Variants in PDHX observed in about 807,000 individuals in gnomAD.
The protein encoded by PDHX is pyruvate dehydrogenase complex component X, also known as pyruvate dehydrogenase protein X component, mitochondrial.
In PDHX, 33 loss-of-function variants were observed where a neutral mutation model predicts 55.3. The observed-to-expected ratio is 0.60, with a 90% CI of 0.45 to 0.80. The LOEUF is 0.80. Among genes scored for constraint, PDHX ranks in the 30% least tolerant of loss-of-function variants. The probability of loss-of-function intolerance (pLI) is 0.00; values close to 1 mark genes in which losing one functional copy is unlikely to be tolerated. For missense variants in PDHX, 622 were observed against 619.9 expected, an observed-to-expected ratio of 1.00 and a Z score of -0.04; for synonymous variants, 226 against 219.4, an observed-to-expected ratio of 1.03 and a Z score of -0.27.
chr11:34,952,384 C>T, intron 3 of PDHX, among the ~76,000 whole-genome samples: 1 of 151,836 alleles, frequency 6.6e-6, no homozygotes, highest in East Asian at 1.9e-4. Flanking sequence ...AGAGACACAA[C>T]AAAAAAAGAG....
At chr11:34,945,342 T>TA (rs1854597123) in intron 2 of PDHX, among the ~76,000 whole-genome samples, 1 of 152,220 alleles carries the variant, frequency 6.6e-6, no homozygotes, top group Admixed American at 6.5e-5. Context: ...ACTTGTTTCT[T>TA]ATAGCCCATG....
At position 34,960,401 on chromosome 11, in the gene PDHX, C is replaced by A; in HGVS notation, c.543-19C>A. 2 of 1,528,262 alleles carry A rather than the reference C, an allele frequency of 1.3e-6. No individual in the cohort carries two copies. The highest frequency in any genetic ancestry group is 2.3e-5 in the East Asian group (1 of 44,290). The allele number at this position is 1,528,262 out of a possible 1,614,324, so 94.7% of individuals were successfully genotyped here. A position where few individuals can be genotyped will look rare whatever the true frequency, so the allele number is the denominator to read the frequency against. The stretch of plus-strand genomic sequence containing the variant: ...GTAAGTGTTAATTGGTTCTATTAAC[C>A]TTCATATTTTTTTCTTAGGTTCCGT... On this transcript the variant is annotated intron_variant, in intron 4 of 10. Transcript: ENST00000227868.
chr11:34,973,766 A>T (rs1855304171), intron 7 of PDHX, among the ~76,000 whole-genome samples: 1 of 152,144 alleles, frequency 6.6e-6, no homozygotes, highest in African/African-American at 2.4e-5. Flanking sequence ...TACATGTTTA[A>T]TGTTTTTTGC....
upstream of PDHX, chr11:34,916,497 C>A (rs958630928): frequency 1.4e-6 from 2 of 1,436,710 alleles, 1 homozygote; most frequent in Admixed American, 4.9e-5. Flanking sequence ...GCAAGGCCAA[C>A]GTGGTTGGAG....
At chr11:34,953,910 A>G (rs1854842601) in intron 3 of PDHX, among the ~76,000 whole-genome samples, 1 of 152,252 alleles carries the variant, frequency 6.6e-6, no homozygotes, top group Non-Finnish European at 1.5e-5. Flanking sequence ...AAAGCCAGAC[A>G]ACTGTTATTC....
chr11:34,978,291 T>A, intron 8 of PDHX, 109 bp downstream of exon 8: 2 of 724,678 alleles, frequency 2.8e-6, no homozygotes. Flanking sequence ...ATTTTATAAT[T>A]GTCTTGCTAA....
intron 9 of PDHX, 71 bp from the exon 10 acceptor site, chr11:34,992,244 A>G (rs1186100667): frequency 4.6e-6 from 4 of 866,376 alleles, no homozygotes; most frequent in Non-Finnish European, 7.9e-6. Context: ...ATGATGTACA[A>G]ATATTTCAAG....
upstream of PDHX, chr11:34,916,259 C>T (rs779852629): frequency 1.9e-6 from 3 of 1,612,632 alleles, no homozygotes; most frequent in Non-Finnish European, 2.5e-6. Context: ...ACAACAGTCT[C>T]CCTCCCGAGC....
intron 5 of PDHX, among the ~76,000 whole-genome samples, chr11:34,965,842 T>C (rs952797430): frequency 3.3e-5 from 5 of 152,038 alleles, no homozygotes; most frequent in African/African-American, 1.2e-4. Context: ...TATAAAACAA[T>C]TTTTTTTCTT....
At chr11:34,990,018 A>C (rs1452648184) in intron 9 of PDHX, among the ~76,000 whole-genome samples, 1 of 152,210 alleles carries the variant, frequency 6.6e-6, no homozygotes, top group East Asian at 1.9e-4. Flanking sequence ...GAATATCTGT[A>C]CTACGCATTT....
intron 9 of PDHX, among the ~76,000 whole-genome samples, chr11:34,986,619 C>T (rs536143067): frequency 5.1e-4 from 78 of 152,174 alleles, no homozygotes; most frequent in African/African-American, 1.8e-3. Flanking sequence ...GAGCAATTTA[C>T]CAAATTTACT....
chr11:34,957,916 C>T (rs911718004), intron 4 of PDHX, among the ~76,000 whole-genome samples: 40 of 152,034 alleles, frequency 2.6e-4, no homozygotes, highest in Non-Finnish European at 7.4e-5. Flanking sequence ...TACTCTGTTC[C>T]CATTTATGGA....
intron 7 of PDHX, chr11:34,977,669 C>T: frequency 2.5e-6 from 1 of 402,394 alleles, no homozygotes; most frequent in African/African-American, 2.1e-5. Context: ...ACATGTATCA[C>T]TGTTCTAGTA....
chr11:34,934,387 G>C (rs1002837538), intron 2 of PDHX, among the ~76,000 whole-genome samples: 2 of 152,090 alleles, frequency 1.3e-5, no homozygotes, highest in Admixed American at 6.6e-5. Context: ...CTGTATGCCA[G>C]TTTCTTCAAC....
At chr11:34,979,705 T>G (rs1366182100) in intron 8 of PDHX, among the ~76,000 whole-genome samples, 4 of 152,132 alleles carry the variant, frequency 2.6e-5, no homozygotes, top group Non-Finnish European at 5.9e-5. Context: ...TTGATATCAT[T>G]AATTGTGAAT....
chr11:34,924,236 CTTCT>C (rs765034945), intron 1 of PDHX, among the ~76,000 whole-genome samples: 2 of 151,796 alleles, frequency 1.3e-5, no homozygotes, highest in South Asian at 2.1e-4. Flanking sequence ...CATGTGTTAC[CTTCT>C]TTCTTTCTTT....
In PDHX at chr11:34,995,948, A is replaced by G. The variant is rs1855849402; in HGVS notation, c.*776A>G. On this transcript the variant is annotated 3_prime_UTR_variant, in exon 11 of 11. Coordinates refer to ENST00000227868, the MANE Select transcript of PDHX (RefSeq NM_003477.3). ...TCATCTTGAGTCGGAATATATTTAA[A>G]TAAATTGTGTTATCTCTTGCCAAAC... is the stretch of plus-strand genomic sequence containing the variant. The G allele has an allele frequency of 6.6e-6, 1 of 152,200 alleles. No homozygotes were observed. Among genetic ancestry groups the G allele is most frequent in the African/African-American group, 2.4e-5 (1 of 41,462 alleles). The allele number at this position is 152,200 out of a possible 1,614,324, so 9.4% of individuals were successfully genotyped here.
intron 2 of PDHX, among the ~76,000 whole-genome samples, chr11:34,933,152 CT>C (rs1267200965): frequency 6.6e-6 from 1 of 152,182 alleles, no homozygotes; most frequent in African/African-American, 2.4e-5. Flanking sequence ...GTCTCTTTGA[CT>C]TTGGGACAAT....
intron 9 of PDHX, among the ~76,000 whole-genome samples, chr11:34,991,899 G>A (rs1303519252): frequency 9.4e-6 from 1 of 106,426 alleles, no homozygotes; most frequent in African/African-American, 3.9e-5. Flanking sequence ...AACAGAGTGA[G>A]ACTTCTCAAA....
Sources: allele counts gnomAD v4.1 joint callset (sites outside exome capture counted in the v4.1 genomes callset), GRCh38; gene constraint gnomAD v4.1.1; transcripts MANE v1.5; gene names NCBI Gene and HGNC (gene_info 2026-07-23, HGNC 2026-07-21).